SOX30: variants seen among roughly 807,000 people sequenced by gnomAD.
SOX30 encodes SRY-box transcription factor 30.
SOX30 carries 17 observed loss-of-function variants against 58.6 expected under a neutral mutation model. The observed-to-expected ratio is 0.29, with a 90% CI of 0.20 to 0.44. SOX30 has a LOEUF of 0.44. Among genes scored for constraint, SOX30 ranks in the 20% least tolerant of loss-of-function variants. The pLI, the probability that SOX30 is intolerant of heterozygous loss-of-function variation, is 1.00. For synonymous variants in SOX30, 421 were observed against 400.2 expected (o/e 1.05, Z -0.62); for missense variants, 951 against 965.8 (o/e 0.98, Z 0.20).
In SOX30 at chr5:157,632,448, G is replaced by C. The variant is rs910862612; in HGVS notation, c.1881-5727C>G. ...AGTAGAGACGGGTGAAACCCCATCT[G>C]TACTAAAAATATAAAATTAGCTGGA... On this transcript the variant is annotated intron_variant, in intron 4 of 4. Coordinates refer to ENST00000265007, the MANE Select transcript of SOX30 (RefSeq NM_178424.2). Among the ~76,000 whole-genome samples, 11 of 152,118 alleles carry C rather than the reference G, an allele frequency of 7.2e-5. 1 individual carries two copies. The highest frequency in any genetic ancestry group is 1.5e-5 in the Non-Finnish European group (1 of 68,026).
intron 4 of SOX30, among the ~76,000 whole-genome samples, chr5:157,637,598 A>T (rs1420457395): frequency 2.6e-5 from 4 of 152,110 alleles, no homozygotes; most frequent in African/African-American, 9.7e-5. Context: ...TTTGAGATGC[A>T]CCCCCTCTAT....
In SOX30 at chr5:157,638,536, T is replaced by C. The variant is rs755716247; in HGVS notation, c.1574A>G (p.His525Arg). 1 of 1,614,174 alleles carries C rather than the reference T, an allele frequency of 6.2e-7. No individual in the cohort carries two copies. Among genetic ancestry groups the C allele is most frequent in the Admixed American group, 1.7e-5 (1 of 60,018 alleles). The change falls in exon 4 of 5, where the codon CAT becomes CGT. Residue 525 changes from histidine (H) to arginine (R), a missense_variant. Physicochemically the swap from His to Arg is conservative, Grantham distance 29. Transcript: ENST00000265007. ...GPSQTDTHQLHSEATHTVKQP... is the reference protein window; with the variant it reads ...GPSQTDTHQLRSEATHTVKQP... Reference sequence around the variant, plus strand: ...CTTCACAGTGTGAGTGGCTTCAGAATGCAGCTGATGAGTGTCTGTTTGGGA... The same window carrying C: ...CTTCACAGTGTGAGTGGCTTCAGAACGCAGCTGATGAGTGTCTGTTTGGGA...
chr5:157,651,664 T>G lies in SOX30; in HGVS notation c.415A>C (p.Lys139Gln). 6.2e-7 allele frequency: 1 copy of G among 1,610,722 alleles called. No individual in the cohort carries two copies. ...TCCAGGCTGGGCCCCAGCTTCTGCTTCTTGGCCTTGACATGCAGCGCCAGG... is the reference window on the plus strand; with the variant it reads ...TCCAGGCTGGGCCCCAGCTTCTGCTGCTTGGCCTTGACATGCAGCGCCAGG... The part of the protein sequence containing the change: ...QPLALHVKAK[K>Q]QKLGPSLDQS... The change falls in exon 1 of 5, where the codon AAG becomes CAG. Residue 139 changes from lysine (K) to glutamine (Q), a missense_variant. Physicochemically the swap from Lys to Gln is moderately conservative, Grantham distance 53 (BLOSUM62 1). Transcript: ENST00000265007.
chr5:157,653,323 C>A (rs1299129122), upstream of SOX30, among the ~76,000 whole-genome samples: 1 of 143,924 alleles, frequency 6.9e-6, no homozygotes, highest in Non-Finnish European at 1.5e-5. Context: ...TTAGAATTTT[C>A]ATGTGATGAT....
At position 157,646,684 on chromosome 5, in the gene SOX30, T is replaced by A. The variant is rs200026442; in HGVS notation, c.1340A>T (p.Tyr447Phe). ...TTVYPYRSPT[Y>F]SVVIPSLQNP... ...CTGTAGGCTGGGAATTACCACAGAG[T>A]ACGTAGGTGAGCGGTAAGGATAAAC... The change falls in exon 3 of 5, where the codon TAC (tyrosine) becomes TTC (phenylalanine). Residue 447 changes from tyrosine to phenylalanine, a missense_variant. Tyr to Phe is a conservative substitution (Grantham distance 22). Transcript: ENST00000265007. 6.2e-7 allele frequency: 1 copy of A among 1,613,568 alleles called. No homozygotes were observed. Among genetic ancestry groups the A allele is most frequent in the African/African-American group, 1.3e-5 (1 of 74,994 alleles).
At chr5:157,639,774 T>C (rs112206463) in intron 3 of SOX30, among the ~76,000 whole-genome samples, 8 of 152,326 alleles carry the variant, frequency 5.3e-5, no homozygotes, top group African/African-American at 1.9e-4. Flanking sequence ...ATAAAGAAGA[T>C]GCAGTCCAAG....
chr5:157,652,038 G>C lies in SOX30; in HGVS notation c.41C>G (p.Pro14Arg). The C allele has an allele frequency of 7.0e-7, 1 of 1,424,486 alleles. No homozygotes were observed. The allele number at this position is 1,424,486 out of a possible 1,614,324, so 88.2% of individuals were successfully genotyped here. ...CAGCGGGGGCGGAGCGGGACGCAAC[G>C]GGCGCGGCTGAGGCGGCGGCTCGGG... is the stretch of plus-strand genomic sequence containing the variant. ...ARPEPPPQPR[P>R]LRPAPPPLPV... is the part of the protein sequence containing the mutation. Residue 14 changes from proline (P) to arginine (R), a missense_variant, in exon 1 of 5, where the codon CCG becomes CGG. This residue lies in a region of SOX30 where 363 missense variants were observed against 294.5 expected (regional missense o/e 1.23). Coordinates refer to ENST00000265007, the MANE Select transcript of SOX30 (RefSeq NM_178424.2).
At chr5:157,645,871 T>C (rs1759178464) in intron 3 of SOX30, among the ~76,000 whole-genome samples, 1 of 151,882 alleles carries the variant, frequency 6.6e-6, no homozygotes, top group Admixed American at 6.6e-5. Flanking sequence ...AAATACAAAA[T>C]TAGCCGGGTG....
At position 157,633,572 on chromosome 5, in the gene SOX30, C is replaced by A. The variant is rs532321957; in HGVS notation, c.1880+4658G>T. Among the ~76,000 whole-genome samples, 358 of 152,264 alleles carry A rather than the reference C, an allele frequency of 2.4e-3. 3 individuals are homozygous for A. Among genetic ancestry groups the A allele is most frequent in the African/African-American group, 8.1e-3 (337 of 41,536 alleles). On this transcript the variant is annotated intron_variant, in intron 4 of 4. Transcript: ENST00000265007. ...ATGTTTTGGGACTGTTAGTTTCCCT[C>A]CTCCATAAGTTTAGGCAAAAGTTTG...
intron 2 of SOX30, among the ~76,000 whole-genome samples, chr5:157,664,345 AG>A (rs1245640951): frequency 3.3e-5 from 5 of 152,238 alleles, no homozygotes; most frequent in African/African-American, 1.2e-4. Context: ...AAATGGGGAA[AG>A]GATTCCCTAT....
upstream of SOX30, among the ~76,000 whole-genome samples, chr5:157,652,978 C>A (rs1258876003): frequency 6.6e-6 from 1 of 152,190 alleles, no homozygotes; most frequent in Non-Finnish European, 1.5e-5. Flanking sequence ...CTTAGCAAAG[C>A]CTTAAAAATC....
intron 1 of SOX30, among the ~76,000 whole-genome samples, chr5:157,669,295 G>C (rs1195295961): frequency 1.3e-5 from 2 of 151,750 alleles, no homozygotes; most frequent in Admixed American, 1.3e-4. Flanking sequence ...CTGGATTCAA[G>C]TGATTCTCCT....
chr5:157,660,455 A>G (rs1179471255), intron 2 of SOX30, among the ~76,000 whole-genome samples: 11 of 151,436 alleles, frequency 7.3e-5, no homozygotes, highest in Admixed American at 7.2e-4. Context: ...AAAATAAAGT[A>G]AAGTAAAATA....
chr5:157,640,853 C>T (rs1038524757), intron 3 of SOX30, among the ~76,000 whole-genome samples: 6 of 152,160 alleles, frequency 3.9e-5, no homozygotes, highest in Non-Finnish European at 7.4e-5. Context: ...CTCCACCTCG[C>T]ATATGTAATG....
upstream of SOX30, among the ~76,000 whole-genome samples, chr5:157,655,234 C>G (rs1759449633): frequency 6.6e-6 from 1 of 152,184 alleles, no homozygotes; most frequent in Admixed American, 6.5e-5. Flanking sequence ...GTGGTGGGGT[C>G]CGGTAACATC....
At chr5:157,658,671 T>C (rs1759525698) in intron 2 of SOX30, among the ~76,000 whole-genome samples, 1 of 152,202 alleles carries the variant, frequency 6.6e-6, no homozygotes, top group South Asian at 2.1e-4. Context: ...ATGAAGAAGT[T>C]ACAGAAGATG....
At chr5:157,662,251 A>C (rs547856292) in intron 2 of SOX30, among the ~76,000 whole-genome samples, 13 of 151,886 alleles carry the variant, frequency 8.6e-5, no homozygotes, top group Non-Finnish European at 1.8e-4. Flanking sequence ...TTTCTTGGTC[A>C]TTTGACTAAA....
intron 2 of SOX30, among the ~76,000 whole-genome samples, chr5:157,666,478 GACACACACACACACACACAC>G (rs375835461): frequency 2.5e-4 from 33 of 132,528 alleles, no homozygotes; most frequent in East Asian, 2.3e-3. Flanking sequence ...TAGTCCAGTA[GACACACACACACACACACAC>G]ACACACACAC....
intron 2 of SOX30, among the ~76,000 whole-genome samples, chr5:157,664,510 G>A (rs371697347): frequency 2.6e-5 from 4 of 152,168 alleles, no homozygotes; most frequent in African/African-American, 7.2e-5. Context: ...AACCTAGGCA[G>A]TACCATTCAG....
Sources: gnomAD v4.1 joint callset for allele counts (sites outside exome capture counted in the v4.1 genomes callset) on GRCh38, gnomAD v4.1.1 for gene constraint, gnomAD v4.1.1 regional missense constraint, MANE v1.5 for transcripts, NCBI Gene and HGNC (gene_info 2026-07-23, HGNC 2026-07-21) for gene names.